FGFR2: variants seen among roughly 807,000 people sequenced by gnomAD.
FGFR2 encodes the protein fibroblast growth factor receptor 2.
Under a neutral mutation model 95.9 loss-of-function variants are expected in FGFR2, and 19 were observed. That is an observed-to-expected ratio of 0.20 (90% CI 0.14 to 0.29). The LOEUF (loss-of-function observed/expected upper bound fraction) is 0.29. FGFR2 is among the 10% of genes least tolerant of loss of function. The pLI is 1.00. For missense variants in FGFR2, 707 were observed against 1,056.9 expected (o/e 0.67, Z 4.59); for synonymous variants, 392 against 393.3 (o/e 1.00, Z 0.04).
At chr10:121,507,576 A>G (rs959680138) in intron 9 of FGFR2, among the ~76,000 whole-genome samples, 2 of 152,180 alleles carry the variant, frequency 1.3e-5, no homozygotes, top group Non-Finnish European at 2.9e-5. Flanking sequence ...CGACAGAGCA[A>G]GACTCCATCT....
intron 13 of FGFR2, among the ~76,000 whole-genome samples, chr10:121,489,613 G>C (rs1302667754): frequency 3.3e-5 from 5 of 152,148 alleles, no homozygotes; most frequent in African/African-American, 1.2e-4. Context: ...ATTTTCAACT[G>C]TCTATGGGAC....
chr10:121,545,724 A>G (rs1854403316), intron 5 of FGFR2, among the ~76,000 whole-genome samples: 1 of 152,268 alleles, frequency 6.6e-6, no homozygotes, highest in South Asian at 2.1e-4. Flanking sequence ...AAAAGTCTTT[A>G]AAATGACATC....
intron 8 of FGFR2, among the ~76,000 whole-genome samples, chr10:121,516,392 A>C (rs1265410406): frequency 6.6e-6 from 1 of 152,266 alleles, no homozygotes; most frequent in Non-Finnish European, 1.5e-5. Flanking sequence ...CATTTTAATC[A>C]GAAAAATACT....
intron 2 of FGFR2, among the ~76,000 whole-genome samples, chr10:121,590,719 C>A (rs367868369): frequency 1.2e-4 from 18 of 152,244 alleles, no homozygotes; most frequent in East Asian, 1.2e-3. Flanking sequence ...TAAACATAAC[C>A]TTTCCCTGAG....
At chr10:121,488,669 A>G (rs1845750096) in intron 13 of FGFR2, among the ~76,000 whole-genome samples, 1 of 152,220 alleles carries the variant, frequency 6.6e-6, no homozygotes, top group South Asian at 2.1e-4. Flanking sequence ...AATTATAAAT[A>G]AATAGAATGA....
At chr10:121,513,630 T>C (rs1218047426) in intron 9 of FGFR2, among the ~76,000 whole-genome samples, 1 of 152,190 alleles carries the variant, frequency 6.6e-6, no homozygotes, top group African/African-American at 2.4e-5. Flanking sequence ...TAGAAACTGG[T>C]TGGCCAACTG....
intron 11 of FGFR2, among the ~76,000 whole-genome samples, chr10:121,498,918 G>A (rs569946281): frequency 2.9e-4 from 44 of 152,252 alleles, no homozygotes; most frequent in South Asian, 4.2e-4. Context: ...TATCTAAGGC[G>A]TCTCAGAAAA....
rs201648220 is a variant in FGFR2, at chr10:121,517,380, C to T, written c.1023G>A (p.Thr341=). 78 of 1,614,074 alleles carry T rather than the reference C, an allele frequency of 4.8e-5. No individual in the cohort carries two copies. Among genetic ancestry groups the T allele is most frequent in the Non-Finnish European group, 6.4e-5 (75 of 1,180,022 alleles). Residue 341 remains threonine (T), a synonymous_variant, in exon 8 of 18, where the codon ACG becomes ACA. Transcript: ENST00000358487. This position sits in a 1 kb window ranked among gnomAD's most constrained non-coding sequence, Gnocchi z 4.7. ...NVTFEDAGEY[T]CLAGNSIGIS... ...TCCCAATAGAATTACCCGCCAAGCA[C>T]GTATATTCCCCAGCGTCCTCAAAAG...
rs2134287479 is a variant in FGFR2, at chr10:121,518,828, T to C, written c.939+1151A>G. Reference sequence around the variant, plus strand: ...TGCATTGGAACTATTTATCCCCGAGTGCTAGAACAGACACAGGAGAACAAT... The same window carrying C: ...TGCATTGGAACTATTTATCCCCGAGCGCTAGAACAGACACAGGAGAACAAT... On this transcript the variant is annotated intron_variant, in intron 7 of 17. Coordinates refer to ENST00000358487, the MANE Select transcript of FGFR2 (RefSeq NM_000141.5). The surrounding 1 kb of genome is among the most constrained non-coding windows in gnomAD (Gnocchi z 4.0). 2.5e-6 allele frequency: 4 copies of C among 1,613,946 alleles called. No individual in the cohort carries two copies. Among genetic ancestry groups the C allele is most frequent in the South Asian group, 1.1e-5 (1 of 91,062 alleles).
intron 6 of FGFR2, among the ~76,000 whole-genome samples, chr10:121,522,140 G>A (rs1350634730): frequency 6.6e-6 from 1 of 152,192 alleles, no homozygotes; most frequent in African/African-American, 2.4e-5. Flanking sequence ...GGACAGGGAA[G>A]GAAATGGTGA....
At chr10:121,498,730 C>T (rs983387576) in intron 11 of FGFR2, 125 bp from the exon 12 acceptor site, 134 of 825,492 alleles carry the variant, frequency 1.6e-4, no homozygotes, top group Non-Finnish European at 2.5e-4. Flanking sequence ...AAAGATTTTC[C>T]AAATCATCTC....
At chr10:121,571,027 C>T (rs4752568) in intron 2 of FGFR2, among the ~76,000 whole-genome samples, 42,916 of 150,906 alleles carry the variant, frequency 0.28, 6,232 homozygotes, top group Admixed American at 0.34. Flanking sequence ...CTGGCTTTGT[C>T]GCCCAGGCTG....
chr10:121,547,540 G>T (rs1225137950), intron 5 of FGFR2, among the ~76,000 whole-genome samples: 1 of 151,780 alleles, frequency 6.6e-6, no homozygotes, highest in Non-Finnish European at 1.5e-5. Context: ...GACTACAGGT[G>T]AGCACTACTA....
At chr10:121,569,941 C>A (rs984258028) in intron 2 of FGFR2, among the ~76,000 whole-genome samples, 16 of 152,132 alleles carry the variant, frequency 1.1e-4, no homozygotes, top group Non-Finnish European at 1.9e-4. Context: ...AATAAACACA[C>A]AAGAGAGAAA....
intron 6 of FGFR2, among the ~76,000 whole-genome samples, chr10:121,532,095 C>T (rs1852156322): frequency 6.6e-6 from 1 of 152,164 alleles, no homozygotes; most frequent in Non-Finnish European, 1.5e-5. Flanking sequence ...GACACCAAGT[C>T]TTACACTCAG....
At chr10:121,502,500 GGC>G (rs1252281255) in intron 10 of FGFR2, among the ~76,000 whole-genome samples, 1 of 152,132 alleles carries the variant, frequency 6.6e-6, no homozygotes, top group African/African-American at 2.4e-5. Context: ...TCTCTAAATT[GGC>G]ACTTGGGAAA....
At chr10:121,558,623 T>TTTTTTG (rs1856520099) in intron 4 of FGFR2, among the ~76,000 whole-genome samples, 1 of 151,904 alleles carries the variant, frequency 6.6e-6, no homozygotes, top group African/African-American at 2.4e-5. Flanking sequence ...TTTTTTTTTT[T>TTTTTTG]TTGAGACGGA....
chr10:121,557,187 C>T (rs1856275581), intron 4 of FGFR2, among the ~76,000 whole-genome samples: 1 of 152,190 alleles, frequency 6.6e-6, no homozygotes. Context: ...GATCTGCCTT[C>T]AAAGGAAACT....
intron 9 of FGFR2, among the ~76,000 whole-genome samples, chr10:121,512,329 G>A (rs375056560): frequency 1.3e-5 from 2 of 152,136 alleles, no homozygotes; most frequent in African/African-American, 2.4e-5. Context: ...GGGGCCATGC[G>A]TACTGATGAA....
Sources: gnomAD v4.1 joint callset for allele counts (sites outside exome capture counted in the v4.1 genomes callset) on GRCh38, gnomAD v4.1.1 for gene constraint, Gnocchi (gnomAD v3.1) non-coding constraint, MANE v1.5 for transcripts, NCBI Gene and HGNC (gene_info 2026-07-23, HGNC 2026-07-21) for gene names.